CALM3: variants seen among roughly 807,000 people sequenced by gnomAD.
CALM3 encodes the protein calmodulin-3.
Under a neutral mutation model 20.1 loss-of-function variants are expected in CALM3, and 5 were observed. That is an observed-to-expected ratio of 0.25 (90% CI 0.13 to 0.52). The LOEUF (loss-of-function observed/expected upper bound fraction) is 0.52, where lower values mean the gene tolerates loss of function less well. Among genes scored for constraint, CALM3 ranks in the 20% least tolerant of loss-of-function variants. The probability of loss-of-function intolerance (pLI) is 0.96; values close to 1 mark genes in which losing one functional copy is unlikely to be tolerated. For missense variants in CALM3, 57 were observed against 192.8 expected (o/e 0.30, Z 4.17); for synonymous variants, 69 against 68.1 (o/e 1.01, Z -0.06).
chr19:46,601,323 T>G (rs1599751613), upstream of CALM3: 1 of 1,003,816 alleles, frequency 1.0e-6, no homozygotes, highest in Non-Finnish European at 1.3e-6. The surrounding 1 kb of genome is among the most constrained non-coding windows in gnomAD (Gnocchi z 4.2). Context: ...CGGCGCGCGC[T>G]GCGGGCAGTG....
In CALM3 at chr19:46,608,005, A is replaced by G; in HGVS notation, c.35-192A>G. 2 of 578,234 alleles carry G rather than the reference A, an allele frequency of 3.5e-6. No individual in the cohort carries two copies. The highest frequency in any genetic ancestry group is 6.2e-6 in the Non-Finnish European group (2 of 324,978). The allele number at this position is 578,234 out of a possible 1,614,324, so 35.8% of individuals were successfully genotyped here. On this transcript the variant is annotated intron_variant, in intron 2 of 5. Coordinates refer to ENST00000291295, the MANE Select transcript of CALM3 (RefSeq NM_005184.4). The surrounding 1 kb of genome is among the most constrained non-coding windows in gnomAD (Gnocchi z 5.5). ...AGTGTTGATGTTCAATAACTGTTGA[A>G]TGAAGGTTGGAAGGGCTTTGCCCTG... is the stretch of plus-strand genomic sequence containing the variant.
intron 1 of CALM3, among the ~76,000 whole-genome samples, chr19:46,603,056 G>T (rs1171937157): frequency 6.6e-6 from 1 of 152,224 alleles, no homozygotes; most frequent in Non-Finnish European, 1.5e-5. Context: ...GAGAAAACCA[G>T]CAGACTAGTT....
rs1483934682 is a variant in CALM3 at position 46,608,413 on chromosome 19, G to A, written c.179-69G>A. On this transcript the variant is annotated intron_variant, in intron 3 of 5. Transcript: ENST00000291295. The surrounding 1 kb of genome is among the most constrained non-coding windows in gnomAD (Gnocchi z 5.5). ...GTGACTGCAGGGAGCCTCTCTCAGGGTGATGGATGAGCCCGTGTCTCTCAG... is the reference window on the plus strand; with the variant it reads ...GTGACTGCAGGGAGCCTCTCTCAGGATGATGGATGAGCCCGTGTCTCTCAG... 6.8e-6 allele frequency: 11 copies of A among 1,609,868 alleles called. No homozygotes were observed. The highest frequency in any genetic ancestry group is 9.4e-6 in the Non-Finnish European group (11 of 1,176,396).
chr19:46,602,289 G>C, intron 1 of CALM3: 2 of 1,103,478 alleles, frequency 1.8e-6, no homozygotes, highest in African/African-American at 3.2e-5. Flanking sequence ...AGGTTCCGAG[G>C]TTACTAGTGG....
At position 46,601,505 on chromosome 19, in the gene CALM3, A is replaced by AG. The variant is rs1336202710; in HGVS notation, c.3+73dup. 2.2e-6 allele frequency: 3 copies of AG among 1,340,844 alleles called. No individual in the cohort carries two copies. Among genetic ancestry groups the AG allele is most frequent in the Non-Finnish European group, 2.9e-6 (3 of 1,035,202 alleles). The allele number at this position is 1,340,844 out of a possible 1,614,324, so 83.1% of individuals were successfully genotyped here. ...CGGGCTTAACGGGGCAGGACCCCTG[A>AG]GGGGGCGACAGAGCCCAGAGTGGGG... is the stretch of plus-strand genomic sequence containing the variant. On this transcript the variant is annotated intron_variant, in intron 1 of 5. Transcript: ENST00000291295. This position sits in a 1 kb window ranked among gnomAD's most constrained non-coding sequence, Gnocchi z 4.2.
In CALM3 at chr19:46,605,089, T is replaced by C. The variant is rs1481648018; in HGVS notation, c.4-738T>C. 6.6e-6 allele frequency: 1 copy of C among 152,294 alleles called. No individual in the cohort carries two copies. The highest frequency in any genetic ancestry group is 1.5e-5 in the Non-Finnish European group (1 of 68,134). 9.4% of individuals were successfully genotyped at this position (152,294 alleles called of 1,614,324 possible). On this transcript the variant is annotated intron_variant, in intron 1 of 5. Transcript: ENST00000291295. This position sits in a 1 kb window ranked among gnomAD's most constrained non-coding sequence, Gnocchi z 4.1. Reference sequence around the variant, plus strand: ...CTGCAGTGCAAGCCAGCTTCAGTCCTCTGCTGCTGCCCGCTGCAGCCCTCT... The same window carrying C: ...CTGCAGTGCAAGCCAGCTTCAGTCCCCTGCTGCTGCCCGCTGCAGCCCTCT...
Position 46,603,731 on chromosome 19 carries a change from A to T in CALM3, c.4-2096A>T, listed in dbSNP as rs540485095. Reference sequence around the variant, plus strand: ...TTTCTGGGCGGCAACCTTGCTTGAGATCTGTACCTTTCCTTGACCAAGCAG... The same window carrying T: ...TTTCTGGGCGGCAACCTTGCTTGAGTTCTGTACCTTTCCTTGACCAAGCAG... On this transcript the variant is annotated intron_variant, in intron 1 of 5. Coordinates refer to ENST00000291295, the MANE Select transcript of CALM3 (RefSeq NM_005184.4). Among the ~76,000 whole-genome samples, 13 of 152,298 alleles carry T rather than the reference A, an allele frequency of 8.5e-5. No individual in the cohort carries two copies. The South Asian group carries it at 2.7e-3, about 32-fold the overall frequency.
In CALM3 at chr19:46,609,258, C is replaced by A; in HGVS notation, c.*105C>A. 1 of 998,346 alleles carries A rather than the reference C, an allele frequency of 1.0e-6. No homozygotes were observed. The highest frequency in any genetic ancestry group is 1.6e-6 in the Non-Finnish European group (1 of 644,926). The allele number at this position is 998,346 out of a possible 1,614,324, so 61.8% of individuals were successfully genotyped here. On this transcript the variant is annotated 3_prime_UTR_variant, in exon 6 of 6. Coordinates refer to ENST00000291295, the MANE Select transcript of CALM3 (RefSeq NM_005184.4). The stretch of plus-strand genomic sequence containing the variant: ...TGCGTACCCCGGTTCTAGCAAACAC[C>A]AATTGATTGACTGAGAATCTGATAA...
intron 2 of CALM3, among the ~76,000 whole-genome samples, chr19:46,607,392 C>A (rs528303898): frequency 1.3e-5 from 2 of 152,200 alleles, no homozygotes; most frequent in Non-Finnish European, 2.9e-5. Flanking sequence ...AATAGGCTGC[C>A]GGACATCTGT....
chr19:46,603,540 T>G (rs1971679034), intron 1 of CALM3, among the ~76,000 whole-genome samples: 1 of 151,864 alleles, frequency 6.6e-6, no homozygotes, highest in Non-Finnish European at 1.5e-5. Flanking sequence ...CACCTCATGG[T>G]TTTTTTTCTT....
chr19:46,608,327 G>A lies in CALM3; in HGVS notation c.165G>A (p.Glu55=), dbSNP rs764047686. 1.3e-5 allele frequency: 21 copies of A among 1,614,028 alleles called. No individual in the cohort carries two copies. The South Asian group carries it at 2.2e-4, about 17-fold the overall frequency. The part of the protein sequence containing the change: ...TEAELQDMIN[E]VDADGNGTID... The stretch of plus-strand genomic sequence containing the variant: ...CAGAGCTGCAGGATATGATCAATGA[G>A]GTGGATGCAGATGGTGAGCCCCACA... The change falls in exon 3 of 6, where the codon GAG becomes GAA. Residue 55 remains glutamate, a synonymous_variant. Coordinates refer to ENST00000291295, the MANE Select transcript of CALM3 (RefSeq NM_005184.4). This position sits in a 1 kb window ranked among gnomAD's most constrained non-coding sequence, Gnocchi z 5.5.
At chr19:46,607,412 G>A (rs965456763) in intron 2 of CALM3, among the ~76,000 whole-genome samples, 8 of 152,208 alleles carry the variant, frequency 5.3e-5, no homozygotes, top group African/African-American at 1.9e-4. Flanking sequence ...TTTTTGGAGG[G>A]CTTGGGGGTA....
Position 46,605,391 on chromosome 19 carries a change from A to C in CALM3, c.4-436A>C. 5.7e-6 allele frequency: 1 copy of C among 175,062 alleles called. No homozygotes were observed. The highest frequency in any genetic ancestry group is 1.2e-5 in the Non-Finnish European group (1 of 82,690). The allele number at this position is 175,062 out of a possible 1,614,324, so 10.8% of individuals were successfully genotyped here. A position where few individuals can be genotyped will look rare whatever the true frequency, so the allele number is the denominator to read the frequency against. ...GGCCTGCTTCAGTTTGGAGCCTTCT[A>C]GAGCTTCTTGATGAGGCCTCCAGGG... On this transcript the variant is annotated intron_variant, in intron 1 of 5. Coordinates refer to ENST00000291295, the MANE Select transcript of CALM3 (RefSeq NM_005184.4). This position sits in a 1 kb window ranked among gnomAD's most constrained non-coding sequence, Gnocchi z 4.1.
chr19:46,603,205 A>G lies in CALM3; in HGVS notation c.3+1768A>G, dbSNP rs190746766. On this transcript the variant is annotated intron_variant, in intron 1 of 5. Coordinates refer to ENST00000291295, the MANE Select transcript of CALM3 (RefSeq NM_005184.4). ...TATCAGATCTCATACTTGCTGACAC[A>G]GACCTGATGGCTCCTCTTGCCGCTA... Among the ~76,000 whole-genome samples the G allele has an allele frequency of 5.9e-5, 9 of 152,370 alleles. No homozygotes were observed. In the East Asian group the frequency reaches 1.7e-3, roughly 29 times the overall value.
intron 1 of CALM3, among the ~76,000 whole-genome samples, chr19:46,604,162 C>G (rs927266843): frequency 1.3e-5 from 2 of 152,176 alleles, no homozygotes; most frequent in African/African-American, 4.8e-5. Flanking sequence ...TGGGCATTGC[C>G]TGGTCTCGGT....
At position 46,608,702 on chromosome 19, in the gene CALM3, C is replaced by T; in HGVS notation, c.285+114C>T. On this transcript the variant is annotated intron_variant, in intron 4 of 5. Coordinates refer to ENST00000291295, the MANE Select transcript of CALM3 (RefSeq NM_005184.4). This position sits in a 1 kb window ranked among gnomAD's most constrained non-coding sequence, Gnocchi z 5.5. Reference sequence around the variant, plus strand: ...AGGAGGTCCGGGTCCCGGTGCCAGCCTCATTGCCAACCTGCTCTGCCACCT... The same window carrying T: ...AGGAGGTCCGGGTCCCGGTGCCAGCTTCATTGCCAACCTGCTCTGCCACCT... The T allele has an allele frequency of 1.6e-6, 2 of 1,265,148 alleles. No individual in the cohort carries two copies. Among genetic ancestry groups the T allele is most frequent in the Non-Finnish European group, 2.2e-6 (2 of 900,510 alleles). The allele number at this position is 1,265,148 out of a possible 1,614,324, so 78.4% of individuals were successfully genotyped here.
chr19:46,602,005 G>A (rs2122214352), intron 1 of CALM3: 1 of 930,230 alleles, frequency 1.1e-6, no homozygotes, highest in South Asian at 1.5e-5. Context: ...AGGATGGGCG[G>A]TCACTTCTAC....
At chr19:46,602,289 G>A in intron 1 of CALM3, 1 of 1,103,478 alleles carries the variant, frequency 9.1e-7, no homozygotes, top group South Asian at 1.3e-5. Context: ...AGGTTCCGAG[G>A]TTACTAGTGG....
At chr19:46,601,227 G>A, upstream of CALM3, 1 of 281,976 alleles carries the variant, frequency 3.5e-6, no homozygotes, top group Non-Finnish European at 5.7e-6. The surrounding 1 kb of genome is among the most constrained non-coding windows in gnomAD (Gnocchi z 4.2). Flanking sequence ...GCGGCGGCGC[G>A]CGGGCCGGGT....
Sources: gnomAD v4.1 joint callset for allele counts (sites outside exome capture counted in the v4.1 genomes callset) on GRCh38, gnomAD v4.1.1 for gene constraint, Gnocchi (gnomAD v3.1) non-coding constraint, MANE v1.5 for transcripts, NCBI Gene and HGNC (gene_info 2026-07-23, HGNC 2026-07-21) for gene names.